ZNF596: variants seen among roughly 807,000 people sequenced by gnomAD.
ZNF596 encodes zinc finger protein 596.
A neutral mutation model predicts 48.3 loss-of-function variants in ZNF596; 45 were observed. The observed-to-expected ratio is 0.93, with a 90% CI of 0.73 to 1.19. The LOEUF is 1.19. ZNF596 is among the 50% of genes most tolerant of loss of function. The pLI is 0.00. For synonymous variants in ZNF596, 270 were observed against 202.0 expected (o/e 1.34, Z -2.85); for missense variants, 848 against 599.7 (o/e 1.41, Z -4.32).
At position 242,881 on chromosome 8, in the gene ZNF596, T is replaced by A. The variant is rs1796910040; in HGVS notation, c.13-6T>A. On this transcript the variant is annotated splice_polypyrimidine_tract_variant and splice_region_variant and intron_variant, in intron 2 of 5. Coordinates refer to ENST00000398612, the MANE Select transcript of ZNF596 (RefSeq NM_001042416.3). ...TGTTTGCAGTAGAATGTCCATAATG[T>A]TTTAGGATTCCATGACCTTCGAGGA... is the stretch of plus-strand genomic sequence containing the variant. 6.5e-7 allele frequency: 1 copy of A among 1,544,234 alleles called. No homozygotes were observed. Among genetic ancestry groups the A allele is most frequent in the Non-Finnish European group, 8.8e-7 (1 of 1,137,428 alleles).
Position 244,649 on chromosome 8 carries a change from T to G in ZNF596, c.254T>G (p.Ile85Arg), listed in dbSNP as rs1796988415. ...GAAGTTGGCATTAAACATCAAGAGA[T>G]ACCATTCATTCAACATATCTATCAG... ...GREVGIKHQE[I>R]PFIQHIYQKG... The change falls in exon 5 of 6, where the codon ATA (isoleucine) becomes AGA (arginine). Residue 85 changes from isoleucine to arginine, a missense_variant. Ile to Arg is a moderately conservative substitution (Grantham distance 97, BLOSUM62 -3). Transcript: ENST00000398612. 5 of 1,613,306 alleles carry G rather than the reference T, an allele frequency of 3.1e-6. No individual in the cohort carries two copies. The highest frequency in any genetic ancestry group is 4.2e-6 in the Non-Finnish European group (5 of 1,179,684).
In ZNF596 at chr8:240,900, C is replaced by T. The variant is rs766810082; in HGVS notation, c.5C>T (p.Pro2Leu). Residue 2 changes from proline (P) to leucine (L), a missense_variant, in exon 2 of 6, where the codon CCA becomes CTA. Physicochemically the swap from Pro to Leu is moderately conservative, Grantham distance 98. Transcript: ENST00000398612. ...TTTGGTGGCTGAGCTAGTACAATGCCATCACCGGTGAGTGGGAAATTCTTC... is the reference window on the plus strand; with the variant it reads ...TTTGGTGGCTGAGCTAGTACAATGCTATCACCGGTGAGTGGGAAATTCTTC... Reference protein sequence around the residue: MPSPDSMTFEDI... With the variant: MLSPDSMTFEDI... 6.2e-7 allele frequency: 1 copy of T among 1,614,104 alleles called. No homozygotes were observed. The highest frequency in any genetic ancestry group is 8.5e-7 in the Non-Finnish European group (1 of 1,180,002).
chr8:245,982 A>G lies in ZNF596; in HGVS notation c.1135A>G (p.Lys379Glu). ...AGCATTCACTGAATCTTCTGTGCTT[A>G]AACGACATGAGAGAATTCACACTGG... ...GKAFTESSVL[K>E]RHERIHTGEK... The change falls in exon 6 of 6, where the codon AAA becomes GAA. Residue 379 changes from lysine (K) to glutamate (E), a missense_variant. Transcript: ENST00000398612. 1 of 1,614,114 alleles carries G rather than the reference A, an allele frequency of 6.2e-7. No individual in the cohort carries two copies. Among genetic ancestry groups the G allele is most frequent in the Non-Finnish European group, 8.5e-7 (1 of 1,180,014 alleles).
intron 1 of ZNF596, chr8:237,721 G>A (rs1338208922): frequency 3.9e-5 from 6 of 152,248 alleles, no homozygotes; most frequent in South Asian, 2.1e-4. Context: ...TATTTCCAAC[G>A]TATGTTTTTA....
rs779079417 is a variant in ZNF596, at chr8:245,642, C to T, written c.795C>T (p.Asn265=). Residue 265 remains asparagine (N), a synonymous_variant, in exon 6 of 6, where the codon AAC becomes AAT. Transcript: ENST00000398612. ...LCGKAFSKSS[N]LRRHEMIHTR... ...GGAAAGCCTTCAGTAAAAGTTCTAA[C>T]CTTAGACGACATGAGATGATTCACA... 1.2e-5 allele frequency: 20 copies of T among 1,613,066 alleles called. No homozygotes were observed. The South Asian group carries it at 1.9e-4, about 15-fold the overall frequency.
At position 243,855 on chromosome 8, in the gene ZNF596, G is replaced by T. The variant is rs777935838; in HGVS notation, c.223+50G>T. On this transcript the variant is annotated intron_variant, in intron 4 of 5. Coordinates refer to ENST00000398612, the MANE Select transcript of ZNF596 (RefSeq NM_001042416.3). ...AATAGGAGGAGGAGAAACATGGCCA[G>T]TGAGTGAGTAGGACCCAACAGTTGC... is the stretch of plus-strand genomic sequence containing the variant. 6.0e-6 allele frequency: 9 copies of T among 1,499,446 alleles called. No homozygotes were observed. The East Asian group carries it at 1.8e-4, about 30-fold the overall frequency. The allele number at this position is 1,499,446 out of a possible 1,614,324, so 92.9% of individuals were successfully genotyped here. A position where few individuals can be genotyped will look rare whatever the true frequency, so the allele number is the denominator to read the frequency against.
At chr8:240,601 C>T (rs566053007) in intron 1 of ZNF596, 1 of 400,358 alleles carries the variant, frequency 2.5e-6, no homozygotes, top group African/African-American at 2.0e-5. Flanking sequence ...TATGAAACTC[C>T]ATGATTTTCA....
chr8:239,871 A>G (rs1796779034), intron 1 of ZNF596, among the ~76,000 whole-genome samples: 1 of 152,030 alleles, frequency 6.6e-6, no homozygotes, highest in Non-Finnish European at 1.5e-5. Context: ...TGATCAAGTC[A>G]TGGTCTTTCA....
In ZNF596 at chr8:240,045, A is replaced by G. The variant is rs138149880; in HGVS notation, c.-72-779A>G. ...CTCCTAGCAACTCTGTTGCTTAGGA[A>G]ATTACAAGGGTTTTGGGTGGCTCTG... On this transcript the variant is annotated intron_variant, in intron 1 of 5. Coordinates refer to ENST00000398612, the MANE Select transcript of ZNF596 (RefSeq NM_001042416.3). Among the ~76,000 whole-genome samples the G allele has an allele frequency of 3.4e-3, 513 of 152,328 alleles. 1 individual carries two copies. The highest frequency in any genetic ancestry group is 0.017 in the Middle Eastern group (5 of 294).
intron 1 of ZNF596, among the ~76,000 whole-genome samples, chr8:235,962 T>G (rs1205862519): frequency 6.6e-6 from 1 of 152,154 alleles, no homozygotes; most frequent in Non-Finnish European, 1.5e-5. Flanking sequence ...AAAATTGACT[T>G]TTAGACTAAT....
chr8:243,546 G>A, intron 3 of ZNF596, 176 bp from the exon 4 acceptor site: 1 of 525,122 alleles, frequency 1.9e-6, no homozygotes, highest in Non-Finnish European at 3.4e-6. Flanking sequence ...CTGGGAACAA[G>A]TTCAAGAGTT....
At chr8:235,109 C>A (rs1268006435) in intron 1 of ZNF596, among the ~76,000 whole-genome samples, 2 of 152,126 alleles carry the variant, frequency 1.3e-5, no homozygotes, top group African/African-American at 4.8e-5. Context: ...ATAGCTTTGA[C>A]AAATTAAGGT....
rs1262544435 is a variant in ZNF596, at chr8:247,215, A to G, written c.*853A>G. 1 of 152,312 alleles carries G rather than the reference A, an allele frequency of 6.6e-6. No homozygotes were observed. Among genetic ancestry groups the G allele is most frequent in the Non-Finnish European group, 1.5e-5 (1 of 68,024 alleles). The allele number at this position is 152,312 out of a possible 1,614,324, so 9.4% of individuals were successfully genotyped here. A position where few individuals can be genotyped will look rare whatever the true frequency, so the allele number is the denominator to read the frequency against. On this transcript the variant is annotated 3_prime_UTR_variant, in exon 6 of 6. Coordinates refer to ENST00000398612, the MANE Select transcript of ZNF596 (RefSeq NM_001042416.3). ...GCACGTGCTTGAGAAAAAAATTATA[A>G]TTTTGAATAAAGACTTTCTACTTAA...
chr8:240,962 G>C (rs1796830396), intron 2 of ZNF596, 55 bp downstream of exon 2: 7 of 1,605,914 alleles, frequency 4.4e-6, no homozygotes, highest in Admixed American at 1.7e-5. Flanking sequence ...ACCAGCCTAA[G>C]GGCAGATTCA....
chr8:238,065 G>C (rs1267976957), intron 1 of ZNF596, among the ~76,000 whole-genome samples: 1 of 152,226 alleles, frequency 6.6e-6, no homozygotes, highest in Non-Finnish European at 1.5e-5. Flanking sequence ...TGCCCATGAG[G>C]ATGGACATGC....
intron 1 of ZNF596, among the ~76,000 whole-genome samples, chr8:238,286 TC>T (rs1796700955): frequency 6.6e-6 from 1 of 151,804 alleles, no homozygotes; most frequent in South Asian, 2.1e-4. Flanking sequence ...CTTAGACTTC[TC>T]CCCAAGGAGA....
At chr8:232,770 A>G (rs1357931882) in intron 1 of ZNF596, 76 bp downstream of exon 1, 2 of 427,798 alleles carry the variant, frequency 4.7e-6, no homozygotes, top group Non-Finnish European at 9.6e-6. Flanking sequence ...CAGCCCTGGG[A>G]TTCGGCAGAC....
chr8:240,958 C>G (rs770587029), intron 2 of ZNF596, 51 bp downstream of exon 2: 50 of 1,608,348 alleles, frequency 3.1e-5, no homozygotes, highest in Non-Finnish European at 3.8e-5. Flanking sequence ...TGTTACCAGC[C>G]TAAGGGCAGA....
At chr8:240,672 T>C (rs1796816845) in intron 1 of ZNF596, 152 bp from the exon 2 acceptor site, 2 of 572,344 alleles carry the variant, frequency 3.5e-6, no homozygotes, top group South Asian at 2.5e-5. Flanking sequence ...TCATTTCTTC[T>C]GACCCTGGGA....
Sources: gnomAD v4.1 joint callset for allele counts (sites outside exome capture counted in the v4.1 genomes callset) on GRCh38, gnomAD v4.1.1 for gene constraint, MANE v1.5 for transcripts, NCBI Gene and HGNC (gene_info 2026-07-23, HGNC 2026-07-21) for gene names.